The following TBC1D30 variants were observed in gnomAD, a reference collection of about 807,000 sequenced individuals.
TBC1D30 encodes the protein TBC1 domain family, member 30.
TBC1D30 carries 31 observed loss-of-function variants against 63.2 expected under a neutral mutation model. That is an observed-to-expected ratio of 0.49 (90% CI 0.37 to 0.66). The LOEUF is 0.66. Among genes scored for constraint, TBC1D30 ranks in the 30% least tolerant of loss-of-function variants. The pLI is 0.00. For synonymous variants in TBC1D30, 307 were observed against 361.5 expected (o/e 0.85, Z 1.71); for missense variants, 810 against 953.6 (o/e 0.85, Z 1.98).
chr12:64,789,023 T>TA lies in TBC1D30; in HGVS notation c.643+2985dup, dbSNP rs992386962. On this transcript the variant is annotated intron_variant, in intron 2 of 12. Transcript: ENST00000542120. ...CTAATTCTAAAGAATTGAGATTTTT[T>TA]AAAAAAACTGAGATTTCACTATCAC... is the stretch of plus-strand genomic sequence containing the variant. Among the ~76,000 whole-genome samples the TA allele has an allele frequency of 3.3e-5, 5 of 152,192 alleles. No homozygotes were observed. In the South Asian group the frequency reaches 6.2e-4, roughly 19 times the overall value.
intron 10 of TBC1D30, among the ~76,000 whole-genome samples, chr12:64,868,962 T>C (rs773191616): frequency 6.6e-6 from 1 of 152,144 alleles, no homozygotes; most frequent in Non-Finnish European, 1.5e-5. Context: ...CTGAATCACA[T>C]GCATGTTTTA....
At chr12:64,788,464 A>C (rs1871727847) in intron 2 of TBC1D30, among the ~76,000 whole-genome samples, 1 of 152,144 alleles carries the variant, frequency 6.6e-6, no homozygotes. Flanking sequence ...GGGAAAGTAT[A>C]AGGGAGGGTG....
chr12:64,866,932 T>C, intron 10 of TBC1D30, 29 bp downstream of exon 10: 1 of 1,535,076 alleles, frequency 6.5e-7, no homozygotes, highest in Non-Finnish European at 8.7e-7. Context: ...ATTTAGATTA[T>C]CATGATGTAT....
intron 8 of TBC1D30, among the ~76,000 whole-genome samples, chr12:64,850,237 C>G (rs899976508): frequency 1.3e-5 from 2 of 152,180 alleles, no homozygotes; most frequent in African/African-American, 4.8e-5. Context: ...ATTTGACTTC[C>G]TCTCTTCCTA....
chr12:64,844,296 T>C (rs1172020406), intron 8 of TBC1D30, among the ~76,000 whole-genome samples: 2 of 151,658 alleles, frequency 1.3e-5, no homozygotes, highest in Non-Finnish European at 2.9e-5. Context: ...CAATATCATA[T>C]TCATCAAGTC....
At chr12:64,786,785 T>C (rs1383327629) in intron 2 of TBC1D30, among the ~76,000 whole-genome samples, 1 of 151,844 alleles carries the variant, frequency 6.6e-6, no homozygotes, top group African/African-American at 2.4e-5. Flanking sequence ...ACCCCATCTC[T>C]ACTAAAAATT....
At chr12:64,857,487 T>G (rs1877408620) in intron 8 of TBC1D30, among the ~76,000 whole-genome samples, 1 of 152,214 alleles carries the variant, frequency 6.6e-6, no homozygotes, top group African/African-American at 2.4e-5. Flanking sequence ...CTCTTTACTC[T>G]TCATTCTCCT....
intron 8 of TBC1D30, among the ~76,000 whole-genome samples, chr12:64,851,251 G>C (rs554776692): frequency 6.6e-6 from 1 of 151,788 alleles, no homozygotes; most frequent in Non-Finnish European, 1.5e-5. Flanking sequence ...TTTTTGAAGG[G>C]TTTTTCATGT....
intron 2 of TBC1D30, among the ~76,000 whole-genome samples, chr12:64,790,896 T>TA (rs1295833161): frequency 2.6e-5 from 4 of 152,156 alleles, no homozygotes; most frequent in Non-Finnish European, 5.9e-5. Context: ...TGTAAAATTA[T>TA]AAAAATAATC....
chr12:64,780,663 C>A (rs1056084137), exon 1 of TBC1D30: 1 of 764,250 alleles, frequency 1.3e-6, no homozygotes. Flanking sequence ...CGGGGGAGGC[C>A]CGGGCACCTC....
intron 2 of TBC1D30, among the ~76,000 whole-genome samples, chr12:64,792,672 C>T (rs755191255): frequency 2.6e-5 from 4 of 152,088 alleles, no homozygotes; most frequent in South Asian, 2.1e-4. Context: ...CGAGTTCAAG[C>T]GATTTTCTTG....
At chr12:64,872,897 T>C (rs10161031) in intron 11 of TBC1D30, among the ~76,000 whole-genome samples, 6,515 of 152,206 alleles carry the variant, frequency 0.043, 456 homozygotes, top group African/African-American at 0.15. Context: ...TGCACTATCA[T>C]GAGAACAGCA....
chr12:64,799,388 ACTGT>A (rs1305463326), intron 2 of TBC1D30, among the ~76,000 whole-genome samples: 2 of 152,244 alleles, frequency 1.3e-5, no homozygotes, highest in South Asian at 2.1e-4. Context: ...TGTTTAGAAA[ACTGT>A]CTGGCTGTAG....
At position 64,875,898 on chromosome 12, in the gene TBC1D30, G is replaced by A. The variant is rs756479839; in HGVS notation, c.*110G>A. The A allele has an allele frequency of 2.6e-6, 3 of 1,153,842 alleles. No individual in the cohort carries two copies. In the Admixed American group the frequency reaches 9.1e-5, roughly 35 times the overall value. The allele number at this position is 1,153,842 out of a possible 1,614,324, so 71.5% of individuals were successfully genotyped here. ...TGTCCAGTGAAAATGAATAGGTTCA[G>A]GGATGAGCAACAGCCCATAAAAAAT... On this transcript the variant is annotated 3_prime_UTR_variant, in exon 12 of 12. Transcript: ENST00000539867.
At chr12:64,776,090 A>G (rs1454093203), upstream of TBC1D30, among the ~76,000 whole-genome samples, 2 of 152,230 alleles carry the variant, frequency 1.3e-5, no homozygotes, top group Non-Finnish European at 2.9e-5. Context: ...GAGAACAAAG[A>G]TATGACATAC....
upstream of TBC1D30, among the ~76,000 whole-genome samples, chr12:64,823,309 A>T (rs1310987924): frequency 2.0e-5 from 3 of 152,222 alleles, no homozygotes. Context: ...GGGAATATGT[A>T]CAACTGTTGA....
At chr12:64,764,419 C>G (rs150126316) in intron 1 of TBC1D30, among the ~76,000 whole-genome samples, 450 of 152,280 alleles carry the variant, frequency 3.0e-3, no homozygotes, top group African/African-American at 0.01. Flanking sequence ...TGAAGTGTAA[C>G]TTTCACTTAA....
chr12:64,810,098 GTGATCTCAAGGCCTCGGAGAAA>G (rs1236421645), intron 2 of TBC1D30, among the ~76,000 whole-genome samples: 1 of 151,980 alleles, frequency 6.6e-6, no homozygotes, highest in Non-Finnish European at 1.5e-5. Flanking sequence ...TCCATCTCCT[GTGATCTCAAGGCCTCGGAGAAA>G]TGATCTCAAG....
chr12:64,792,692 C>T (rs1031373650), intron 2 of TBC1D30, among the ~76,000 whole-genome samples: 1 of 152,112 alleles, frequency 6.6e-6, no homozygotes, highest in Non-Finnish European at 1.5e-5. Context: ...GCTTCAGCCT[C>T]CCCAAGTAGC....
Sources: allele counts gnomAD v4.1 joint callset (sites outside exome capture counted in the v4.1 genomes callset), GRCh38; gene constraint gnomAD v4.1.1; transcripts MANE v1.5; gene names NCBI Gene and HGNC (gene_info 2026-07-23, HGNC 2026-07-21).